MTM1: variants seen among roughly 807,000 people sequenced by gnomAD.
The protein encoded by MTM1 is myotubularin.
A neutral mutation model predicts 52.1 loss-of-function variants in MTM1; 9 were observed. The observed-to-expected ratio is 0.17, with a 90% CI of 0.10 to 0.30. The LOEUF (loss-of-function observed/expected upper bound fraction) is 0.30, where lower values mean the gene tolerates loss of function less well. Among genes scored for constraint, MTM1 ranks in the 10% least tolerant of loss-of-function variants. The pLI is 1.00. For synonymous variants in MTM1, 136 were observed against 163.8 expected (o/e 0.83, Z 1.29); for missense variants, 277 against 470.7 (o/e 0.59, Z 3.81).
intron 9 of MTM1, among the ~76,000 whole-genome samples, chrX:150,647,914 A>G (rs1435876591): frequency 8.9e-6 from 1 of 112,344 alleles, no homozygotes; most frequent in Non-Finnish European, 1.9e-5. Context: ...TACCAGAAAC[A>G]TTAGCGATGA....
At chrX:150,576,114 A>G (rs782171303) in intron 1 of MTM1, among the ~76,000 whole-genome samples, 2 of 112,006 alleles carry the variant, frequency 1.8e-5, no homozygotes, top group Non-Finnish European at 3.8e-5. Flanking sequence ...TTTGATTGCT[A>G]ATACTTTCTT....
At position 150,627,315 on chromosome X, in the gene MTM1, A is replaced by G. The variant is rs782814759; in HGVS notation, c.444+8176A>G. Among the ~76,000 whole-genome samples the G allele has an allele frequency of 2.6e-4, 29 of 111,689 alleles. No homozygotes were observed. The South Asian group carries it at 8.7e-3, about 34-fold the overall frequency. On this transcript the variant is annotated intron_variant, in intron 6 of 14. Coordinates refer to ENST00000370396, the MANE Select transcript of MTM1 (RefSeq NM_000252.3). ...GGTGCTTTTAAAATATTGAGTAGAT[A>G]CAAGAGGATATTTATAAAATATGTA...
At chrX:150,566,217 C>T (rs188837230), upstream of MTM1, among the ~76,000 whole-genome samples, 2 of 111,679 alleles carry the variant, frequency 1.8e-5, no homozygotes, top group African/African-American at 6.5e-5. Flanking sequence ...CTCACTGCAA[C>T]CTTCACCACC....
intron 6 of MTM1, among the ~76,000 whole-genome samples, chrX:150,632,323 C>G (rs2039684139): frequency 8.9e-6 from 1 of 111,785 alleles, no homozygotes; most frequent in East Asian, 2.8e-4. Context: ...CGCACAGATG[C>G]AGGCTGAACT....
chrX:150,653,193 A>T (rs1475939623), intron 10 of MTM1, among the ~76,000 whole-genome samples: 1 of 111,667 alleles, frequency 9.0e-6, no homozygotes, highest in Non-Finnish European at 1.9e-5. Context: ...CAGTCACATC[A>T]TAGCAATTCA....
intron 6 of MTM1, among the ~76,000 whole-genome samples, chrX:150,630,249 A>G (rs1178974436): frequency 1.8e-5 from 2 of 111,018 alleles, no homozygotes; most frequent in Admixed American, 1.9e-4. Flanking sequence ...GGGCCACCAC[A>G]CCCGGCTAAT....
intron 10 of MTM1, among the ~76,000 whole-genome samples, chrX:150,655,066 G>A (rs1182412357): frequency 1.8e-5 from 2 of 111,176 alleles, no homozygotes; most frequent in Admixed American, 9.6e-5. Flanking sequence ...TGGCTCACAC[G>A]TGTAATCCCA....
chrX:150,588,597 G>T (rs781899857), intron 1 of MTM1, among the ~76,000 whole-genome samples: 5 of 111,601 alleles, frequency 4.5e-5, no homozygotes, highest in Non-Finnish European at 3.8e-5. Context: ...GAAAAAGGGC[G>T]CGGTGAAAGA....
At position 150,580,914 on chromosome X, in the gene MTM1, C is replaced by A. The variant is rs138400738; in HGVS notation, c.-10-11691C>A. On this transcript the variant is annotated intron_variant, in intron 1 of 14. Coordinates refer to ENST00000370396, the MANE Select transcript of MTM1 (RefSeq NM_000252.3). ...TTAGGACTAATTAAGATGTATCAAG[C>A]CCAACATTCTCAACAATCAAAAGAC... 1.3e-3 allele frequency among the ~76,000 whole-genome samples: 141 copies of A among 111,897 alleles called. 1 individual carries two copies. The highest frequency in any genetic ancestry group is 2.2e-3 in the Non-Finnish European group (119 of 53,167).
intron 14 of MTM1, among the ~76,000 whole-genome samples, chrX:150,670,107 A>T (rs1400626417): frequency 1.8e-5 from 2 of 112,348 alleles, no homozygotes; most frequent in African/African-American, 6.5e-5. Flanking sequence ...TCTGTTGTAT[A>T]TCTTGACCTG....
intron 4 of MTM1, among the ~76,000 whole-genome samples, chrX:150,606,940 TCCCTCCCCTCC>T (rs782654299): frequency 0.11 from 2,569 of 23,902 alleles, 124 homozygotes; most frequent in Non-Finnish European, 0.15. Context: ...TCCCTTCCCT[TCCCTCCCCTCC>T]CCCTCCCCTC....
rs782302438 is a variant in MTM1, at chrX:150,649,847, A to G, written c.999A>G (p.Glu333=). ...KVKDIVYPNV[E]ESHWLSSLES... is the part of the protein sequence containing the mutation. ...AGGACATTGTTTATCCTAATGTAGAAGAATCTCATTGGTTGTCCAGTTTGG... is the reference window on the plus strand; with the variant it reads ...AGGACATTGTTTATCCTAATGTAGAGGAATCTCATTGGTTGTCCAGTTTGG... Residue 333 remains glutamate (E), a synonymous_variant, in exon 10 of 15, where the codon GAA becomes GAG. Transcript: ENST00000370396. 5.3e-5 allele frequency: 64 copies of G among 1,208,069 alleles called. No individual in the cohort carries two copies. Among genetic ancestry groups the G allele is most frequent in the Non-Finnish European group, 6.9e-5 (62 of 893,836 alleles).
rs143339039 is a variant in MTM1, at chrX:150,584,135, C to T, written c.-10-8470C>T. 5.8e-3 allele frequency among the ~76,000 whole-genome samples: 602 copies of T among 103,064 alleles called. 5 individuals carry two copies. Among genetic ancestry groups the T allele is most frequent in the African/African-American group, 0.02 (579 of 28,324 alleles). The allele number at this position is 103,064 out of a possible 115,157, so 89.5% of individuals were successfully genotyped here. On this transcript the variant is annotated intron_variant, in intron 1 of 14. Transcript: ENST00000370396. ...TTATATGCATGCTAGGAATGGGAGA[C>T]GTTTCCAAAGATGCTTATAAAAGCA...
At chrX:150,566,521 C>T (rs1273479445), upstream of MTM1, among the ~76,000 whole-genome samples, 3 of 111,550 alleles carry the variant, frequency 2.7e-5, no homozygotes, top group Non-Finnish European at 3.8e-5. Flanking sequence ...GTGAGACAGG[C>T]ACGGCAGGGG....
At chrX:150,616,708 C>A (rs1557413152) in intron 5 of MTM1, among the ~76,000 whole-genome samples, 1 of 111,733 alleles carries the variant, frequency 8.9e-6, no homozygotes, top group African/African-American at 3.3e-5. Context: ...TAAAACCATA[C>A]CACCACAAAG....
intron 6 of MTM1, among the ~76,000 whole-genome samples, chrX:150,628,225 G>A (rs1348209274): frequency 8.9e-6 from 1 of 111,935 alleles, no homozygotes; most frequent in East Asian, 2.8e-4. Flanking sequence ...TTTGCAGTTA[G>A]TTTTTGGCTT....
chrX:150,635,420 G>A (rs1215501695), intron 6 of MTM1, among the ~76,000 whole-genome samples: 1 of 112,154 alleles, frequency 8.9e-6, no homozygotes, highest in Non-Finnish European at 1.9e-5. Flanking sequence ...AGTTGAAAGT[G>A]TCAACACATT....
chrX:150,667,220 A>G (rs1557414975), intron 14 of MTM1, among the ~76,000 whole-genome samples: 2 of 111,421 alleles, frequency 1.8e-5, no homozygotes, highest in Non-Finnish European at 3.8e-5. Flanking sequence ...ATCCTCACCA[A>G]CAACCTTTCT....
intron 6 of MTM1, among the ~76,000 whole-genome samples, chrX:150,633,117 A>G (rs1226411316): frequency 8.9e-6 from 1 of 112,237 alleles, no homozygotes. Context: ...GACAAGTTGT[A>G]AAGAATATTC....
Sources: gnomAD v4.1 joint callset for allele counts (sites outside exome capture counted in the v4.1 genomes callset) on GRCh38, gnomAD v4.1.1 for gene constraint, MANE v1.5 for transcripts, NCBI Gene and HGNC (gene_info 2026-07-23, HGNC 2026-07-21) for gene names.